Variants in PRODH2 observed in about 807,000 individuals in gnomAD.
The protein encoded by PRODH2 is hydroxyproline dehydrogenase.
A neutral mutation model predicts 51.9 loss-of-function variants in PRODH2; 49 were observed. The observed-to-expected ratio is 0.94, with a 90% CI of 0.75 to 1.20. The LOEUF (loss-of-function observed/expected upper bound fraction) is 1.20, where lower values mean the gene tolerates loss of function less well. PRODH2 is among the 50% of genes most tolerant of loss of function. The pLI, the probability that PRODH2 is intolerant of heterozygous loss-of-function variation, is 0.00. For missense variants in PRODH2, 597 were observed against 610.9 expected (o/e 0.98, Z 0.24); for synonymous variants, 249 against 260.7 (o/e 0.96, Z 0.43).
At chr19:35,803,171 T>A (rs557212918) in intron 7 of PRODH2, 93 bp from the exon 8 acceptor site, 2 of 745,254 alleles carry the variant, frequency 2.7e-6, no homozygotes, top group Non-Finnish European at 4.2e-6. Flanking sequence ...AAGGGGTCTC[T>A]GGAACCAGTA....
At chr19:35,809,042 A>C (rs1972560225) in intron 4 of PRODH2, among the ~76,000 whole-genome samples, 1 of 151,100 alleles carries the variant, frequency 6.6e-6, no homozygotes, top group Admixed American at 6.6e-5. Context: ...TAGCCTCCCA[A>C]AGTGCTGGGA....
At chr19:35,807,230 A>C in intron 4 of PRODH2, 109 bp from the exon 5 acceptor site, 1 of 1,057,270 alleles carries the variant, frequency 9.5e-7, no homozygotes, top group South Asian at 1.5e-5. Flanking sequence ...GCCTAGAATC[A>C]GGGCTCGAAT....
At position 35,812,845 on chromosome 19, in the gene PRODH2, T is replaced by C; in HGVS notation, c.-40A>G. ...TGCCTCCACACCAGGGAAGGTTCTCTGGAGGCAGCAAGTTCACCAACTGCC... is the reference window on the plus strand; with the variant it reads ...TGCCTCCACACCAGGGAAGGTTCTCCGGAGGCAGCAAGTTCACCAACTGCC... On this transcript the variant is annotated 5_prime_UTR_variant, in exon 1 of 10. Transcript: ENST00000653904. The C allele has an allele frequency of 1.3e-6, 2 of 1,538,640 alleles. No individual in the cohort carries two copies. Among genetic ancestry groups the C allele is most frequent in the Non-Finnish European group, 1.8e-6 (2 of 1,140,534 alleles).
Position 35,806,702 on chromosome 19 carries a change from C to T in PRODH2, c.807G>A (p.Val269=), listed in dbSNP as rs1972517897. The change falls in exon 6 of 10, where the codon GTG becomes GTA. Residue 269 remains valine, a synonymous_variant. Coordinates refer to ENST00000653904, the MANE Select transcript of PRODH2 (RefSeq NM_021232.2). ...WNSPGEGGPW[V]WNTYQACLKD... The stretch of plus-strand genomic sequence containing the variant: ...TTAGACAGGCCTGGTAGGTGTTCCA[C>T]ACCCAGGGCCCGCCTTCACCCGGGC... The T allele has an allele frequency of 3.1e-6, 5 of 1,614,192 alleles. No individual in the cohort carries two copies. The highest frequency in any genetic ancestry group is 4.2e-6 in the Non-Finnish European group (5 of 1,180,020).
chr19:35,800,303 G>A (rs1055766965), intron 9 of PRODH2, 81 bp from the exon 10 acceptor site: 11 of 1,292,524 alleles, frequency 8.5e-6, no homozygotes, highest in South Asian at 3.1e-5. Flanking sequence ...AGGCTGGAGT[G>A]CAGTGGTGCA....
Position 35,803,191 on chromosome 19 carries a change from A to G in PRODH2, c.1002-113T>C, listed in dbSNP as rs575903333. 7 of 576,690 alleles carry G rather than the reference A, an allele frequency of 1.2e-5. No individual in the cohort carries two copies. The East Asian group carries it at 1.9e-4, about 15-fold the overall frequency. The allele number at this position is 576,690 out of a possible 1,614,324, so 35.7% of individuals were successfully genotyped here. ...GTCTCTGGAACCAGTACTCTGTTCC[A>G]TCTGCACCAGTTGTAAGGGACATCA... is the stretch of plus-strand genomic sequence containing the variant. On this transcript the variant is annotated intron_variant, in intron 7 of 9. Coordinates refer to ENST00000653904, the MANE Select transcript of PRODH2 (RefSeq NM_021232.2).
chr19:35,810,987 T>C (rs1972599968), intron 4 of PRODH2, among the ~76,000 whole-genome samples: 2 of 152,246 alleles, frequency 1.3e-5, no homozygotes, highest in South Asian at 4.1e-4. Context: ...ATTCATATCC[T>C]GAAGCATTTA....
rs10676244 is a variant in PRODH2 at position 35,810,260 on chromosome 19, AAATAATAATAAT to A, written c.597+1690_597+1701del. ...GGCAACAGAGCAAGACTCTGTCTTAAAATAATAATAATAATAATAATAATAATAATAAATAAA... is the reference window on the plus strand; with the variant it reads ...GGCAACAGAGCAAGACTCTGTCTTAAAATAATAATAATAATAATAAATAAA... On this transcript the variant is annotated intron_variant, in intron 4 of 9. Coordinates refer to ENST00000653904, the MANE Select transcript of PRODH2 (RefSeq NM_021232.2). Among the ~76,000 whole-genome samples the A allele has an allele frequency of 4.9e-4, 70 of 143,244 alleles. 1 individual carries two copies. Among genetic ancestry groups the A allele is most frequent in the East Asian group, 3.2e-3 (16 of 4,950 alleles). The allele number at this position is 143,244 out of a possible 152,430, so 94.0% of individuals were successfully genotyped here.
intron 4 of PRODH2, among the ~76,000 whole-genome samples, chr19:35,810,921 C>T (rs1006155807): frequency 2.0e-5 from 3 of 151,960 alleles, no homozygotes; most frequent in Non-Finnish European, 2.9e-5. Context: ...ATTGTTTTAC[C>T]TTGAAAGAAA....
At chr19:35,810,440 G>C (rs867522381) in intron 4 of PRODH2, among the ~76,000 whole-genome samples, 2 of 151,486 alleles carry the variant, frequency 1.3e-5, no homozygotes, top group Non-Finnish European at 1.5e-5. Context: ...GCAGCAGCTA[G>C]AATCAACTAT....
intron 7 of PRODH2, among the ~76,000 whole-genome samples, chr19:35,805,641 C>T (rs1972499414): frequency 6.6e-6 from 1 of 152,044 alleles, no homozygotes; most frequent in African/African-American, 2.4e-5. Context: ...AACCCCTGGG[C>T]TCAAGCAATC....
intron 9 of PRODH2, 100 bp downstream of exon 9, chr19:35,802,091 G>T: frequency 1.9e-6 from 2 of 1,069,868 alleles, no homozygotes; most frequent in East Asian, 2.4e-5. Flanking sequence ...CTCTCTGGAA[G>T]GATCTGGAGG....
intron 4 of PRODH2, among the ~76,000 whole-genome samples, chr19:35,807,885 C>A (rs1473080094): frequency 6.6e-6 from 1 of 152,100 alleles, no homozygotes; most frequent in Non-Finnish European, 1.5e-5. Context: ...AAGCAATCCT[C>A]CTGCTTCAGC....
At chr19:35,800,839 T>C (rs538803246) in intron 9 of PRODH2, among the ~76,000 whole-genome samples, 139 of 152,222 alleles carry the variant, frequency 9.1e-4, no homozygotes, top group African/African-American at 3.2e-3. Context: ...ACCACAGGCA[T>C]GCACCTCCAC....
At chr19:35,811,818 A>G (rs1196223891) in intron 4 of PRODH2, 144 bp downstream of exon 4, 3 of 797,020 alleles carry the variant, frequency 3.8e-6, no homozygotes, top group Non-Finnish European at 5.9e-6. Context: ...ATCCATTTCA[A>G]CCATGCCTGG....
chr19:35,810,751 C>A (rs531890879), intron 4 of PRODH2, among the ~76,000 whole-genome samples: 1 of 152,222 alleles, frequency 6.6e-6, no homozygotes, highest in African/African-American at 2.4e-5. Context: ...GAACTCCTGA[C>A]CTCCAGTAAT....
chr19:35,804,665 G>C (rs956319161), intron 7 of PRODH2, among the ~76,000 whole-genome samples: 1 of 152,250 alleles, frequency 6.6e-6, no homozygotes, highest in African/African-American at 2.4e-5. Flanking sequence ...GGCTGGACAT[G>C]CTGGCTTACG....
intron 4 of PRODH2, among the ~76,000 whole-genome samples, chr19:35,809,070 A>C (rs1972560579): frequency 6.6e-6 from 1 of 151,204 alleles, no homozygotes; most frequent in Non-Finnish European, 1.5e-5. Context: ...TGTGAGCTAC[A>C]GCACCTGGCC....
In PRODH2 at chr19:35,800,226, C is replaced by A. The variant is rs370482458; in HGVS notation, c.1199-4G>T. On this transcript the variant is annotated splice_polypyrimidine_tract_variant and splice_region_variant and intron_variant, in intron 9 of 9. Transcript: ENST00000653904. ...TACACTACATAGCCGGCCTGCCCTG[C>A]AGGGAGAGTGGGTTTTGTTTTTTCG... 5.2e-6 allele frequency: 8 copies of A among 1,549,362 alleles called. No homozygotes were observed. In the African/African-American group the frequency reaches 8.2e-5, roughly 16 times the overall value.
Sources: gnomAD v4.1 joint callset for allele counts (sites outside exome capture counted in the v4.1 genomes callset) on GRCh38, gnomAD v4.1.1 for gene constraint, MANE v1.5 for transcripts, NCBI Gene and HGNC (gene_info 2026-07-23, HGNC 2026-07-21) for gene names.